SHCBP1L: variants seen among roughly 807,000 people sequenced by gnomAD.
SHCBP1L encodes the protein testicular spindle-associated protein SHCBP1L.
In SHCBP1L, 67 loss-of-function variants were observed where a neutral mutation model predicts 62.5. That is an observed-to-expected ratio of 1.07 (90% confidence interval 0.88 to 1.31). The LOEUF is 1.31. SHCBP1L is among the 40% of genes most tolerant of loss of function. The pLI is 0.00. For synonymous variants in SHCBP1L, 284 were observed against 289.4 expected (o/e 0.98, Z 0.19); for missense variants, 823 against 809.8 (o/e 1.02, Z -0.20).
intron 6 of SHCBP1L, among the ~76,000 whole-genome samples, chr1:182,924,122 C>T (rs1441446453): frequency 1.3e-5 from 2 of 152,062 alleles, no homozygotes; most frequent in African/African-American, 4.8e-5. Context: ...ATCAAGAACA[C>T]AATCCCATTC....
At chr1:182,917,943 T>C (rs1650403670) in intron 6 of SHCBP1L, among the ~76,000 whole-genome samples, 1 of 151,746 alleles carries the variant, frequency 6.6e-6, no homozygotes, top group Non-Finnish European at 1.5e-5. Context: ...TGTTCAACAT[T>C]GAACCAGACG....
In SHCBP1L at chr1:182,939,532, C is replaced by A. The variant is rs1474910803; in HGVS notation, c.792G>T (p.Trp264Cys). 1 of 1,603,340 alleles carries A rather than the reference C, an allele frequency of 6.2e-7. No homozygotes were observed. Among genetic ancestry groups the A allele is most frequent in the African/African-American group, 1.3e-5 (1 of 74,302 alleles). ...EVVRFFYDFL[W>C]RDWDDEESCE... is the part of the protein sequence containing the mutation. ...AACTTTCTTCATCATCCCAGTCTCT[C>A]CAAAGAAAGTCATAAAAAAACCTAC... Residue 264 changes from tryptophan to cysteine, a missense_variant, in exon 4 of 10, where the codon TGG becomes TGT. Coordinates refer to ENST00000367547, the MANE Select transcript of SHCBP1L (RefSeq NM_030933.4).
intron 6 of SHCBP1L, among the ~76,000 whole-genome samples, chr1:182,924,715 A>AG (rs1491444609): frequency 4.5e-4 from 24 of 53,804 alleles, no homozygotes; most frequent in Middle Eastern, 7.1e-3. Context: ...AAAGAAAGAA[A>AG]GAAAGAAAGA....
At chr1:182,945,472 T>C (rs73033565) in intron 2 of SHCBP1L, among the ~76,000 whole-genome samples, 6,244 of 152,254 alleles carry the variant, frequency 0.041, 387 homozygotes, top group African/African-American at 0.14. Flanking sequence ...TGTTATCACT[T>C]TGCCATCATC....
At chr1:182,925,835 C>G (rs995955491) in intron 6 of SHCBP1L, among the ~76,000 whole-genome samples, 2 of 152,052 alleles carry the variant, frequency 1.3e-5, no homozygotes, top group African/African-American at 4.8e-5. Context: ...AATGTATAAG[C>G]AGATCATTGT....
At chr1:182,929,304 AC>A (rs1050963678) in intron 6 of SHCBP1L, among the ~76,000 whole-genome samples, 1 of 152,164 alleles carries the variant, frequency 6.6e-6, no homozygotes, top group Non-Finnish European at 1.5e-5. Context: ...CTGCCTATAT[AC>A]TTGTGTCCAT....
intron 6 of SHCBP1L, among the ~76,000 whole-genome samples, chr1:182,927,822 T>C (rs1650831075): frequency 6.6e-6 from 1 of 152,178 alleles, no homozygotes; most frequent in African/African-American, 2.4e-5. Context: ...CTAATTATTC[T>C]GGCCTCCAAA....
rs2101941757 is a variant in SHCBP1L, at chr1:182,929,737, GA to G, written c.1091del (p.Phe364SerfsTer6). The G allele has an allele frequency of 1.3e-6, 2 of 1,589,932 alleles. No homozygotes were observed. Among genetic ancestry groups the G allele is most frequent in the South Asian group, 1.2e-5 (1 of 86,092 alleles). ...TCCTACGCCTCAGAATTCTTGGAAAGAAAGGTCCATGAACTCTATAGTTGAA... is the reference window on the plus strand; with the variant it reads ...TCCTACGCCTCAGAATTCTTGGAAAGAAGGTCCATGAACTCTATAGTTGAA... ...EDLRLRVHGP[F>X]FPRILRRRKG... On this transcript the variant is annotated frameshift_variant, in exon 6 of 10. Coordinates refer to ENST00000367547, the MANE Select transcript of SHCBP1L (RefSeq NM_030933.4). LOFTEE classifies it high-confidence loss of function.
intron 6 of SHCBP1L, among the ~76,000 whole-genome samples, chr1:182,911,505 CAG>C (rs1650187003): frequency 6.6e-6 from 1 of 152,034 alleles, no homozygotes; most frequent in South Asian, 2.1e-4. Context: ...AATAAATTGA[CAG>C]AAACTATCCC....
chr1:182,940,344 G>A lies in SHCBP1L; in HGVS notation c.755C>T (p.Ala252Val), dbSNP rs759992708. The change falls in exon 3 of 10, where the codon GCC (alanine) becomes GTC (valine). Residue 252 changes from alanine to valine, a missense_variant. Physicochemically the swap from Ala to Val is moderately conservative, Grantham distance 64. Coordinates refer to ENST00000367547, the MANE Select transcript of SHCBP1L (RefSeq NM_030933.4). ...QDTDIHVIAL[A>V]LEVVRFFYDF... ...GCCCTAATACCTGACAACTTCCAAGGCCAAAGCAATAACATGTATATCAGT... is the reference window on the plus strand; with the variant it reads ...GCCCTAATACCTGACAACTTCCAAGACCAAAGCAATAACATGTATATCAGT... 10 of 1,613,254 alleles carry A rather than the reference G, an allele frequency of 6.2e-6. No homozygotes were observed. The highest frequency in any genetic ancestry group is 3.3e-5 in the Admixed American group (2 of 59,958).
At chr1:182,906,589 A>T (rs760550617) in intron 6 of SHCBP1L, among the ~76,000 whole-genome samples, 1 of 149,794 alleles carries the variant, frequency 6.7e-6, no homozygotes, top group Non-Finnish European at 1.5e-5. Context: ...CTGCCACCAC[A>T]CCCAACTAAC....
chr1:182,916,827 A>G (rs1333606986), intron 6 of SHCBP1L, among the ~76,000 whole-genome samples: 1 of 152,224 alleles, frequency 6.6e-6, no homozygotes, highest in Non-Finnish European at 1.5e-5. Context: ...AATTAACACC[A>G]TGAACACTAA....
At chr1:182,952,585 A>G in intron 1 of SHCBP1L, 144 bp downstream of exon 1, 1 of 945,852 alleles carries the variant, frequency 1.1e-6, no homozygotes, top group East Asian at 2.9e-5. Context: ...CGCTCTATAC[A>G]TGTTGACTCC....
chr1:182,952,191 A>AAT (rs869051143), intron 1 of SHCBP1L, among the ~76,000 whole-genome samples: 353 of 24,232 alleles, frequency 0.015, 1 homozygote, highest in Non-Finnish European at 0.022. Flanking sequence ...AAAAAAAAAA[A>AAT]ATATATATAT....
intron 6 of SHCBP1L, among the ~76,000 whole-genome samples, chr1:182,912,777 C>T (rs1650229838): frequency 6.6e-6 from 1 of 151,808 alleles, no homozygotes; most frequent in Non-Finnish European, 1.5e-5. Context: ...CCTGCCTCGG[C>T]CTCCCAAAGT....
intron 5 of SHCBP1L, among the ~76,000 whole-genome samples, chr1:182,937,139 CTA>C (rs1221728044): frequency 1.3e-4 from 19 of 151,960 alleles, no homozygotes; most frequent in Non-Finnish European, 2.8e-4. Context: ...TTGTTCCTTA[CTA>C]TATGTAGACA....
chr1:182,935,887 T>C (rs1651151060), intron 5 of SHCBP1L, among the ~76,000 whole-genome samples: 1 of 152,210 alleles, frequency 6.6e-6, no homozygotes, highest in South Asian at 2.1e-4. Flanking sequence ...TTTGAACATA[T>C]CTGAACCTTT....
chr1:182,907,367 A>G (rs1228101132), intron 6 of SHCBP1L, among the ~76,000 whole-genome samples: 4 of 149,014 alleles, frequency 2.7e-5, no homozygotes, highest in African/African-American at 4.9e-5. Flanking sequence ...CGGGAGGCAG[A>G]GTTTGCAGTA....
chr1:182,900,064 T>G lies in SHCBP1L; in HGVS notation c.1881A>C (p.Val627=). 3 of 1,613,304 alleles carry G rather than the reference T, an allele frequency of 1.9e-6. No individual in the cohort carries two copies. Among genetic ancestry groups the G allele is most frequent in the Non-Finnish European group, 1.7e-6 (2 of 1,179,590 alleles). The part of the protein sequence containing the change: ...DKKDDKMLFK[V]MQNLNLEMNN... Reference sequence around the variant, plus strand: ...TCATTTCCAGATTCAGATTTTGCATTACTTTGAAGAGCATTTTATCATCTT... The same window carrying G: ...TCATTTCCAGATTCAGATTTTGCATGACTTTGAAGAGCATTTTATCATCTT... Residue 627 remains valine (V), a synonymous_variant, in exon 10 of 10, where the codon GTA becomes GTC. Transcript: ENST00000367547.
Sources: allele counts gnomAD v4.1 joint callset (sites outside exome capture counted in the v4.1 genomes callset), GRCh38; gene constraint gnomAD v4.1.1; transcripts MANE v1.5; gene names NCBI Gene and HGNC (gene_info 2026-07-23, HGNC 2026-07-21).